The following SLC4A8 variants were observed in gnomAD, a reference collection of about 807,000 sequenced individuals.
The protein encoded by SLC4A8 is electroneutral sodium bicarbonate exchanger 1.
In SLC4A8, 40 loss-of-function variants were observed where a neutral mutation model predicts 125.0. The observed-to-expected ratio is 0.32, with a 90% CI of 0.25 to 0.42. The LOEUF (loss-of-function observed/expected upper bound fraction) is 0.42. SLC4A8 is among the 10% of genes least tolerant of loss of function. The probability of loss-of-function intolerance (pLI) is 1.00; values close to 1 mark genes in which losing one functional copy is unlikely to be tolerated. For synonymous variants in SLC4A8, 456 were observed against 476.0 expected, an observed-to-expected ratio of 0.96 and a Z score of 0.55; for missense variants, 863 against 1,355.1, an observed-to-expected ratio of 0.64 and a Z score of 5.70.
intron 2 of SLC4A8, among the ~76,000 whole-genome samples, chr12:51,445,127 C>G (rs1024025799): frequency 2.0e-5 from 3 of 152,154 alleles, no homozygotes; most frequent in Admixed American, 2.0e-4. Flanking sequence ...TTTTACAACA[C>G]CAGGTCATCA....
chr12:51,452,112 T>G lies in SLC4A8; in HGVS notation c.278-12T>G. 1 of 1,614,136 alleles carries G rather than the reference T, an allele frequency of 6.2e-7. No homozygotes were observed. The highest frequency in any genetic ancestry group is 8.5e-7 in the Non-Finnish European group (1 of 1,179,972). On this transcript the variant is annotated splice_polypyrimidine_tract_variant and intron_variant, in intron 3 of 24. Coordinates refer to ENST00000453097, the MANE Select transcript of SLC4A8 (RefSeq NM_001039960.3). ...GGCTAGAGCAGACCTTTCTCTTTGGTTGATTTCCTAGACACACCATCTCAG... is the reference window on the plus strand; with the variant it reads ...GGCTAGAGCAGACCTTTCTCTTTGGGTGATTTCCTAGACACACCATCTCAG...
At chr12:51,418,695 G>A (rs551268952) in intron 1 of SLC4A8, among the ~76,000 whole-genome samples, 3 of 152,106 alleles carry the variant, frequency 2.0e-5, no homozygotes, top group Non-Finnish European at 4.4e-5. Flanking sequence ...AAATAAATTC[G>A]CATTCTATCT....
At chr12:51,440,592 C>T (rs1308390664) in intron 1 of SLC4A8, 116 bp from the exon 2 acceptor site, 45 of 696,718 alleles carry the variant, frequency 6.5e-5, no homozygotes, top group Non-Finnish European at 7.2e-6. Context: ...TGTAAAAATA[C>T]AGGTAAACAA....
chr12:51,463,142 ACTGTGT>A (rs1950393629), intron 10 of SLC4A8, among the ~76,000 whole-genome samples: 1 of 152,200 alleles, frequency 6.6e-6, no homozygotes, highest in Non-Finnish European at 1.5e-5. Flanking sequence ...AGGAACTCCT[ACTGTGT>A]ATTAGACAGC....
chr12:51,450,929 C>A lies in SLC4A8; in HGVS notation c.184C>A (p.Arg62=). 1 of 1,610,464 alleles carries A rather than the reference C, an allele frequency of 6.2e-7. No homozygotes were observed. The highest frequency in any genetic ancestry group is 8.5e-7 in the Non-Finnish European group (1 of 1,178,038). Residue 62 remains arginine, a synonymous_variant, in exon 3 of 25, where the codon CGG becomes AGG. Coordinates refer to ENST00000453097, the MANE Select transcript of SLC4A8 (RefSeq NM_001039960.3). ...GATGCCGCTTGGCCGGCAGAGCCAT[C>A]GGCATCACCGCACTCATGGCCAGAA... ...VRMPLGRQSH[R]HHRTHGQKHR... is the part of the protein sequence containing the mutation.
At chr12:51,488,671 T>C in intron 17 of SLC4A8, 28 bp from the exon 18 acceptor site, 2 of 1,592,916 alleles carry the variant, frequency 1.3e-6, no homozygotes, top group East Asian at 2.2e-5. Flanking sequence ...TAACTTAAAA[T>C]ACAAAAATAA....
chr12:51,471,642 C>A, intron 14 of SLC4A8, 110 bp downstream of exon 14: 1 of 1,263,676 alleles, frequency 7.9e-7, no homozygotes, highest in South Asian at 1.4e-5. Flanking sequence ...AGTGTCTTGC[C>A]CTTTAGGAAA....
Position 51,514,914 on chromosome 12 carries a change from C to CA in SLC4A8, c.*7477dup, listed in dbSNP as rs1295760237. ...GAAAATGGAATGATTCATCCATAGG[C>CA]ATAATTCTTTTAGGAGATTCTGTGC... On this transcript the variant is annotated 3_prime_UTR_variant, in exon 25 of 25. Coordinates refer to ENST00000453097, the MANE Select transcript of SLC4A8 (RefSeq NM_001039960.3). 1.3e-5 allele frequency: 2 copies of CA among 152,194 alleles called. No individual in the cohort carries two copies. The highest frequency in any genetic ancestry group is 2.4e-5 in the African/African-American group (1 of 41,434). 9.4% of individuals were successfully genotyped at this position (152,194 alleles called of 1,614,324 possible).
chr12:51,412,399 A>G (rs1310036604), intron 1 of SLC4A8, among the ~76,000 whole-genome samples: 1 of 152,190 alleles, frequency 6.6e-6, no homozygotes. Flanking sequence ...TAGGATATCC[A>G]TTACCTTGAA....
rs1938411033 is a variant in SLC4A8 at position 51,512,774 on chromosome 12, C to T, written c.*5336C>T. Reference sequence around the variant, plus strand: ...TGGAGGGACATTAAAAAAATATGGCCATTCTCCCATCTAGGGGGTTCCCAT... The same window carrying T: ...TGGAGGGACATTAAAAAAATATGGCTATTCTCCCATCTAGGGGGTTCCCAT... On this transcript the variant is annotated 3_prime_UTR_variant, in exon 25 of 25. Coordinates refer to ENST00000453097, the MANE Select transcript of SLC4A8 (RefSeq NM_001039960.3). 6.6e-6 allele frequency: 1 copy of T among 152,148 alleles called. No homozygotes were observed. Among genetic ancestry groups the T allele is most frequent in the Admixed American group, 6.5e-5 (1 of 15,276 alleles). 9.4% of individuals were successfully genotyped at this position (152,148 alleles called of 1,614,324 possible).
intron 14 of SLC4A8, 45 bp downstream of exon 14, chr12:51,471,577 T>C (rs780558542): frequency 1.3e-6 from 2 of 1,586,586 alleles, no homozygotes; most frequent in Non-Finnish European, 1.7e-6. Context: ...GCAAAGGGCC[T>C]GAGTTTAATT....
chr12:51,486,543 A>G (rs967302903), intron 17 of SLC4A8, among the ~76,000 whole-genome samples: 3 of 152,240 alleles, frequency 2.0e-5, no homozygotes, highest in African/African-American at 7.2e-5. Flanking sequence ...GGGGACTCCA[A>G]ATAGATTTCA....
intron 23 of SLC4A8, among the ~76,000 whole-genome samples, chr12:51,504,809 C>T (rs1186175166): frequency 2.0e-5 from 3 of 152,178 alleles, no homozygotes; most frequent in Non-Finnish European, 4.4e-5. Flanking sequence ...CTCTATCAAA[C>T]CTATTGCTCA....
chr12:51,396,401 AGGCAAGTGAG>A (rs1948262680), intron 1 of SLC4A8, among the ~76,000 whole-genome samples: 1 of 152,236 alleles, frequency 6.6e-6, no homozygotes, highest in Admixed American at 6.5e-5. Context: ...GACTAGGGTA[AGGCAAGTGAG>A]GGCACTTCTC....
intron 1 of SLC4A8, among the ~76,000 whole-genome samples, chr12:51,393,305 G>A (rs924670361): frequency 1.3e-5 from 2 of 152,054 alleles, no homozygotes; most frequent in African/African-American, 4.8e-5. Flanking sequence ...ATGTTGCCCA[G>A]GTTGGTTTCA....
In SLC4A8 at chr12:51,450,893, G is replaced by A. The variant is rs985125932; in HGVS notation, c.148G>A (p.Val50Met). 1 of 1,613,340 alleles carries A rather than the reference G, an allele frequency of 6.2e-7. No homozygotes were observed. The highest frequency in any genetic ancestry group is 8.5e-7 in the Non-Finnish European group (1 of 1,179,632). ...CTTTCCAGGTCACAGAACTCTGTATGTGGGAGTTCGGATGCCGCTTGGCCG... is the reference window on the plus strand; with the variant it reads ...CTTTCCAGGTCACAGAACTCTGTATATGGGAGTTCGGATGCCGCTTGGCCG... ...EELEGHRTLY[V>M]GVRMPLGRQS... is the part of the protein sequence containing the mutation. The change falls in exon 3 of 25, where the codon GTG becomes ATG. Residue 50 changes from valine to methionine, a missense_variant. Transcript: ENST00000453097.
intron 1 of SLC4A8, among the ~76,000 whole-genome samples, chr12:51,430,602 T>C (rs1252237312): frequency 1.3e-5 from 2 of 152,002 alleles, no homozygotes; most frequent in African/African-American, 4.8e-5. Context: ...GTAGGAGAGA[T>C]GTGGGCAGAC....
intron 1 of SLC4A8, among the ~76,000 whole-genome samples, chr12:51,433,865 TTTTTTTTTTTTTTG>T (rs781553122): frequency 1.6e-5 from 1 of 63,014 alleles, no homozygotes; most frequent in Non-Finnish European, 3.3e-5. Context: ...TTTTTTTTTT[TTTTTTTTTTTTTTG>T]GTTGGTTTTT....
At chr12:51,409,231 G>A (rs759144100) in intron 1 of SLC4A8, among the ~76,000 whole-genome samples, 51 of 152,084 alleles carry the variant, frequency 3.4e-4, no homozygotes, top group Non-Finnish European at 6.5e-4. Flanking sequence ...CAGATACACA[G>A]TTATTCAATC....
Sources: gnomAD v4.1 joint callset for allele counts (sites outside exome capture counted in the v4.1 genomes callset) on GRCh38, gnomAD v4.1.1 for gene constraint, MANE v1.5 for transcripts, NCBI Gene and HGNC (gene_info 2026-07-23, HGNC 2026-07-21) for gene names.